Variants in TECRL observed in about 807,000 individuals in gnomAD.
TECRL encodes trans-2,3-enoyl-CoA reductase-like.
Under a neutral mutation model 52.8 loss-of-function variants are expected in TECRL, and 63 were observed. The ratio of observed to expected loss-of-function variants is 1.19; its 90% confidence interval spans 0.97 to 1.47. The LOEUF is 1.47. Among genes scored for constraint, TECRL ranks in the 40% most tolerant of loss-of-function variants. The probability of loss-of-function intolerance (pLI) is 0.00; values close to 1 mark genes in which losing one functional copy is unlikely to be tolerated. For synonymous variants in TECRL, 164 were observed against 141.9 expected, an observed-to-expected ratio of 1.16 and a Z score of -1.10; for missense variants, 482 against 429.6, an observed-to-expected ratio of 1.12 and a Z score of -1.08.
intron 8 of TECRL, among the ~76,000 whole-genome samples, chr4:64,291,697 G>GA (rs1392078111): frequency 6.6e-6 from 1 of 151,660 alleles, no homozygotes; most frequent in Non-Finnish European, 1.5e-5. Context: ...AATGAGCCAT[G>GA]AAAAAAATAG....
At chr4:64,277,590 C>T (rs1296227519), downstream of TECRL, 1 of 151,900 alleles carries the variant, frequency 6.6e-6, no homozygotes, top group Non-Finnish European at 1.5e-5. Context: ...TAAACAGCCC[C>T]TACCCAGTGT....
chr4:64,355,106 T>C (rs527994556), intron 2 of TECRL, among the ~76,000 whole-genome samples: 2 of 152,182 alleles, frequency 1.3e-5, no homozygotes, highest in South Asian at 4.2e-4. Flanking sequence ...AAGCTTAGAC[T>C]GGGGAAATCT....
At chr4:64,302,588 A>T (rs1724084318) in intron 7 of TECRL, among the ~76,000 whole-genome samples, 2 of 99,830 alleles carry the variant, frequency 2.0e-5, no homozygotes, top group African/African-American at 2.7e-5. Flanking sequence ...AAAGTCCAGT[A>T]ACTTTTTTTT....
intron 1 of TECRL, among the ~76,000 whole-genome samples, chr4:64,396,986 G>A (rs1461726229): frequency 6.6e-6 from 1 of 152,080 alleles, no homozygotes; most frequent in Non-Finnish European, 1.5e-5. Flanking sequence ...TGTACTACAA[G>A]GCTACAATAA....
rs931567394 is a variant in TECRL at position 64,331,774 on chromosome 4, AT to A, written c.287-3219del. 7.7e-4 allele frequency among the ~76,000 whole-genome samples: 118 copies of A among 152,294 alleles called. 1 individual carries two copies. Among genetic ancestry groups the A allele is most frequent in the Non-Finnish European group, 1.6e-3 (109 of 68,014 alleles). On this transcript the variant is annotated intron_variant, in intron 2 of 11. Transcript: ENST00000381210. ...GTAGTCATGCAGAACAAACAGAAGAATTAGTCAATGAAAGGATGAGCCTGAA... is the reference window on the plus strand; with the variant it reads ...GTAGTCATGCAGAACAAACAGAAGAATAGTCAATGAAAGGATGAGCCTGAA...
chr4:64,351,015 C>T (rs948112526), intron 2 of TECRL, among the ~76,000 whole-genome samples: 4 of 131,040 alleles, frequency 3.1e-5, no homozygotes, highest in African/African-American at 1.1e-4. Context: ...AACTGGAGAT[C>T]ATTATAAAAA....
intron 3 of TECRL, among the ~76,000 whole-genome samples, chr4:64,324,901 GT>G (rs1718146780): frequency 6.6e-6 from 1 of 152,116 alleles, no homozygotes; most frequent in African/African-American, 2.4e-5. Flanking sequence ...TCTGCTACCT[GT>G]ATAATCCCTG....
intron 8 of TECRL, among the ~76,000 whole-genome samples, chr4:64,299,699 A>G (rs901967181): frequency 1.3e-5 from 2 of 151,046 alleles, no homozygotes; most frequent in East Asian, 3.9e-4. Flanking sequence ...ATGTGCACAC[A>G]GTAGCATCAG....
chr4:64,348,249 GT>G (rs1185285823), intron 2 of TECRL, among the ~76,000 whole-genome samples: 2 of 152,132 alleles, frequency 1.3e-5, no homozygotes, highest in Admixed American at 1.3e-4. Flanking sequence ...TCTTCACAAG[GT>G]GACAGAAGAG....
At chr4:64,319,717 G>A (rs573852330) in intron 4 of TECRL, among the ~76,000 whole-genome samples, 1 of 151,968 alleles carries the variant, frequency 6.6e-6, no homozygotes, top group Non-Finnish European at 1.5e-5. Flanking sequence ...CAAAGAGTAA[G>A]TGGTTAAACA....
At chr4:64,351,350 G>A (rs1299746996) in intron 2 of TECRL, among the ~76,000 whole-genome samples, 1 of 151,930 alleles carries the variant, frequency 6.6e-6, no homozygotes, top group Admixed American at 6.6e-5. Context: ...GTGGCATGAG[G>A]ATGGCTCACT....
intron 3 of TECRL, among the ~76,000 whole-genome samples, chr4:64,325,024 T>C (rs1718158571): frequency 6.6e-6 from 1 of 152,164 alleles, no homozygotes; most frequent in Non-Finnish European, 1.5e-5. Context: ...TTTTATAATG[T>C]GTGTGCAGAA....
chr4:64,314,982 T>C (rs1238853954), intron 4 of TECRL, among the ~76,000 whole-genome samples: 1 of 152,134 alleles, frequency 6.6e-6, no homozygotes, highest in Admixed American at 6.5e-5. Context: ...ATATTGAACC[T>C]AATAAACTGG....
At chr4:64,382,507 A>T (rs1255115698) in intron 1 of TECRL, among the ~76,000 whole-genome samples, 2 of 150,896 alleles carry the variant, frequency 1.3e-5, no homozygotes, top group African/African-American at 4.9e-5. Context: ...TTTATTTTCA[A>T]ATTTAACTAA....
At chr4:64,340,865 T>C (rs1373580341) in intron 2 of TECRL, among the ~76,000 whole-genome samples, 1 of 152,082 alleles carries the variant, frequency 6.6e-6, no homozygotes, top group African/African-American at 2.4e-5. Context: ...CTTCCTTCCA[T>C]CTGAAGCCCA....
chr4:64,358,208 T>G (rs1720915795), intron 2 of TECRL, among the ~76,000 whole-genome samples: 1 of 151,920 alleles, frequency 6.6e-6, no homozygotes, highest in African/African-American at 2.4e-5. Flanking sequence ...TGACAGCATT[T>G]ATTTTGCCTC....
intron 3 of TECRL, among the ~76,000 whole-genome samples, chr4:64,328,123 G>T (rs1718385175): frequency 6.6e-6 from 1 of 151,874 alleles, no homozygotes; most frequent in African/African-American, 2.4e-5. Flanking sequence ...CATTAGTTTT[G>T]TTCCTTATGT....
chr4:64,347,077 T>C (rs997551412), intron 2 of TECRL, among the ~76,000 whole-genome samples: 6 of 152,172 alleles, frequency 3.9e-5, no homozygotes, highest in Non-Finnish European at 8.8e-5. Context: ...GAGTGGGCCA[T>C]ATAAATGCAC....
chr4:64,398,364 T>C (rs547595110), intron 1 of TECRL, among the ~76,000 whole-genome samples: 1 of 152,336 alleles, frequency 6.6e-6, no homozygotes, highest in East Asian at 1.9e-4. Context: ...AAATGAATCA[T>C]GGGGTCAGAT....
Sources: gnomAD v4.1 joint callset for allele counts (sites outside exome capture counted in the v4.1 genomes callset) on GRCh38, gnomAD v4.1.1 for gene constraint, MANE v1.5 for transcripts, NCBI Gene and HGNC (gene_info 2026-07-23, HGNC 2026-07-21) for gene names.